UBL3: variants seen among roughly 807,000 people sequenced by gnomAD.
The protein encoded by UBL3 is ubiquitin-like protein 3.
Under a neutral mutation model 18.4 loss-of-function variants are expected in UBL3, and 6 were observed. That is an observed-to-expected ratio of 0.33 (90% CI 0.18 to 0.64). The LOEUF (loss-of-function observed/expected upper bound fraction) is 0.64. Ranked by LOEUF, UBL3 falls within the 30% of genes least tolerant of loss-of-function variation. The pLI is 0.76. For synonymous variants in UBL3, 49 were observed against 46.6 expected (o/e 1.05, Z -0.21); for missense variants, 109 against 142.9 (o/e 0.76, Z 1.21).
intron 1 of UBL3, among the ~76,000 whole-genome samples, chr13:29,848,521 G>A (rs1021777696): frequency 6.6e-6 from 1 of 151,950 alleles, no homozygotes; most frequent in Non-Finnish European, 1.5e-5. Flanking sequence ...TTAATCATCA[G>A]CAAAGTTCAA....
In UBL3 at chr13:29,830,331, C is replaced by A. The variant is rs181874427; in HGVS notation, c.27+19181G>T. On this transcript the variant is annotated intron_variant, in intron 1 of 4. Transcript: ENST00000380680. ...TTACATCTGCAATCTGCAGTACATACAACTTATCAATGAACCCAGAATAAA... is the reference window on the plus strand; with the variant it reads ...TTACATCTGCAATCTGCAGTACATAAAACTTATCAATGAACCCAGAATAAA... Among the ~76,000 whole-genome samples the A allele has an allele frequency of 7.2e-5, 11 of 152,270 alleles. No individual in the cohort carries two copies. The East Asian group carries it at 2.1e-3, about 29-fold the overall frequency.
Position 29,849,784 on chromosome 13 carries a change from C to CCGTCGTCGT in UBL3, c.-255_-247dup, listed in dbSNP as rs993080564. On this transcript the variant is annotated 5_prime_UTR_variant, in exon 1 of 5. Coordinates refer to ENST00000380680, the MANE Select transcript of UBL3 (RefSeq NM_007106.4). ...ACTCCCGGGACAGCAGAGGCAGCCC[C>CCGTCGTCGT]CGTCGTCGTCGTCGTCGTCAACAGC... 4 of 590,584 alleles carry CCGTCGTCGT rather than the reference C, an allele frequency of 6.8e-6. No individual in the cohort carries two copies. Among genetic ancestry groups the CCGTCGTCGT allele is most frequent in the Non-Finnish European group, 1.2e-5 (4 of 335,634 alleles). 36.6% of individuals were successfully genotyped at this position (590,584 alleles called of 1,614,324 possible). A position where few individuals can be genotyped will look rare whatever the true frequency, so the allele number is the denominator to read the frequency against.
In UBL3 at chr13:29,767,227, A is replaced by G. The variant is rs367925955; in HGVS notation, c.*28T>C. ...CCCAGCAGCATGAAAGACAAAGACT[A>G]TATCACATCACACTAGGCAGACAGT... On this transcript the variant is annotated 3_prime_UTR_variant, in exon 5 of 5. Transcript: ENST00000380680. The G allele has an allele frequency of 2.7e-5, 44 of 1,611,982 alleles. No individual in the cohort carries two copies. Among genetic ancestry groups the G allele is most frequent in the African/African-American group, 2.4e-4 (18 of 74,976 alleles).
At chr13:29,816,624 A>G (rs1383118775) in intron 1 of UBL3, among the ~76,000 whole-genome samples, 1 of 151,792 alleles carries the variant, frequency 6.6e-6, no homozygotes, top group Admixed American at 6.6e-5. Flanking sequence ...GCATGGTGGC[A>G]CATGCCTGTG....
At chr13:29,833,306 TA>T (rs1454428303) in intron 1 of UBL3, among the ~76,000 whole-genome samples, 2 of 152,122 alleles carry the variant, frequency 1.3e-5, no homozygotes, top group Admixed American at 1.3e-4. Flanking sequence ...GTAGTGGAGA[TA>T]AAAGAGGAAA....
In UBL3 at chr13:29,765,006, C is replaced by A. The variant is rs755329858; in HGVS notation, c.*2249G>T. 1 of 151,770 alleles carries A rather than the reference C, an allele frequency of 6.6e-6. No homozygotes were observed. The highest frequency in any genetic ancestry group is 1.5e-5 in the Non-Finnish European group (1 of 67,964). 9.4% of individuals were successfully genotyped at this position (151,770 alleles called of 1,614,324 possible). A position where few individuals can be genotyped will look rare whatever the true frequency, so the allele number is the denominator to read the frequency against. On this transcript the variant is annotated 3_prime_UTR_variant, in exon 5 of 5. Transcript: ENST00000380680. Reference sequence around the variant, plus strand: ...TTTTATTCTTTTTTTTCATATTGTACAACTATGATATTAGGTATTAAGCGA... The same window carrying A: ...TTTTATTCTTTTTTTTCATATTGTAAAACTATGATATTAGGTATTAAGCGA...
intron 1 of UBL3, among the ~76,000 whole-genome samples, chr13:29,795,928 ATCTC>A (rs1269020208): frequency 3.3e-5 from 5 of 150,612 alleles, no homozygotes; most frequent in Admixed American, 1.3e-4. Context: ...GAAGACTTTG[ATCTC>A]TCTTTTTTTT....
intron 1 of UBL3, among the ~76,000 whole-genome samples, chr13:29,816,057 G>A (rs747028361): frequency 6.6e-6 from 1 of 152,094 alleles, no homozygotes; most frequent in Non-Finnish European, 1.5e-5. Flanking sequence ...GCTATGCTAC[G>A]AATTCTGTTA....
intron 1 of UBL3, among the ~76,000 whole-genome samples, chr13:29,790,814 T>G (rs1449489325): frequency 6.6e-6 from 1 of 152,096 alleles, no homozygotes; most frequent in South Asian, 2.1e-4. Context: ...AATCCTTTGA[T>G]CCTCTCTTTC....
chr13:29,833,918 T>C (rs924003160), intron 1 of UBL3, among the ~76,000 whole-genome samples: 3 of 152,222 alleles, frequency 2.0e-5, no homozygotes, highest in African/African-American at 7.2e-5. Flanking sequence ...AATAACGCAG[T>C]GGCTCACGCC....
At chr13:29,823,299 C>T (rs576463431) in intron 1 of UBL3, among the ~76,000 whole-genome samples, 14 of 152,142 alleles carry the variant, frequency 9.2e-5, no homozygotes, top group Admixed American at 1.3e-4. Flanking sequence ...TGCGCCACCA[C>T]GCCCGGCTAA....
chr13:29,832,159 G>A (rs1006615789), intron 1 of UBL3, among the ~76,000 whole-genome samples: 1 of 152,120 alleles, frequency 6.6e-6, no homozygotes, highest in Non-Finnish European at 1.5e-5. Context: ...TTAGAAAGAT[G>A]AGGCCTCTCT....
In UBL3 at chr13:29,765,679, G is replaced by A. The variant is rs978957487; in HGVS notation, c.*1576C>T. 4.6e-5 allele frequency: 7 copies of A among 152,380 alleles called. No individual in the cohort carries two copies. Among genetic ancestry groups the A allele is most frequent in the African/African-American group, 1.2e-4 (5 of 41,388 alleles). 9.4% of individuals were successfully genotyped at this position (152,380 alleles called of 1,614,324 possible). A position where few individuals can be genotyped will look rare whatever the true frequency, so the allele number is the denominator to read the frequency against. ...TAAGTACAGGTTGCAGAAAGAAAAC[G>A]TTTAGTGCTATTTACATTCATTTTA... On this transcript the variant is annotated 3_prime_UTR_variant, in exon 5 of 5. Transcript: ENST00000380680.
intron 1 of UBL3, among the ~76,000 whole-genome samples, chr13:29,817,428 T>G (rs995664563): frequency 2.0e-4 from 30 of 152,190 alleles, no homozygotes; most frequent in Non-Finnish European, 7.3e-5. Flanking sequence ...TAATCACTGC[T>G]TAGTCCCTGC....
chr13:29,827,797 T>A (rs1180048661), intron 1 of UBL3, among the ~76,000 whole-genome samples: 1 of 152,242 alleles, frequency 6.6e-6, no homozygotes, highest in African/African-American at 2.4e-5. Flanking sequence ...CTATTTGGCA[T>A]GTTTTTGCAG....
chr13:29,812,289 G>A (rs1878110001), intron 1 of UBL3, among the ~76,000 whole-genome samples: 1 of 151,844 alleles, frequency 6.6e-6, no homozygotes, highest in South Asian at 2.1e-4. Context: ...TGCACTTTGG[G>A]CTCTTATTGC....
intron 1 of UBL3, among the ~76,000 whole-genome samples, chr13:29,841,638 G>C (rs1271572091): frequency 6.6e-6 from 1 of 152,148 alleles, no homozygotes; most frequent in Non-Finnish European, 1.5e-5. Context: ...TATTGGGAAG[G>C]AATCTAAGGC....
At chr13:29,829,626 C>T (rs1286607884) in intron 1 of UBL3, among the ~76,000 whole-genome samples, 3 of 152,210 alleles carry the variant, frequency 2.0e-5, no homozygotes, top group Non-Finnish European at 4.4e-5. Flanking sequence ...TCCTTGACCC[C>T]TTGCACTTCC....
chr13:29,850,051 G>A lies in UBL3; in HGVS notation c.-513C>T, dbSNP rs1879331364. 6.5e-6 allele frequency: 1 copy of A among 153,876 alleles called. No homozygotes were observed. The highest frequency in any genetic ancestry group is 1.9e-4 in the South Asian group (1 of 5,272). 9.5% of individuals were successfully genotyped at this position (153,876 alleles called of 1,614,324 possible). Reference sequence around the variant, plus strand: ...TTGAGTGGCGGCCGAGCGGTGGCCGGACGCTGGCCGCGGACCCTGCAGAGC... The same window carrying A: ...TTGAGTGGCGGCCGAGCGGTGGCCGAACGCTGGCCGCGGACCCTGCAGAGC... On this transcript the variant is annotated 5_prime_UTR_variant, in exon 1 of 5. Transcript: ENST00000380680.
Sources: gnomAD v4.1 joint callset for allele counts (sites outside exome capture counted in the v4.1 genomes callset) on GRCh38, gnomAD v4.1.1 for gene constraint, MANE v1.5 for transcripts, NCBI Gene and HGNC (gene_info 2026-07-23, HGNC 2026-07-21) for gene names.